Variants in TBX4 observed in about 807,000 individuals in gnomAD.
TBX4 encodes the protein T-box transcription factor 4.
In TBX4, 13 loss-of-function variants were observed where a neutral mutation model predicts 54.6. The ratio of observed to expected loss-of-function variants is 0.24; its 90% CI spans 0.15 to 0.38. TBX4 has a LOEUF of 0.38. Ranked by LOEUF, TBX4 falls within the 10% of genes least tolerant of loss-of-function variation. The probability of loss-of-function intolerance (pLI) is 1.00; values close to 1 mark genes in which losing one functional copy is unlikely to be tolerated. For missense variants in TBX4, 631 were observed against 728.5 expected (o/e 0.87, Z 1.54); for synonymous variants, 314 against 306.7 (o/e 1.02, Z -0.25).
In TBX4 at chr17:61,484,017, T is replaced by A. The variant is rs554691569; in HGVS notation, c.*501T>A. ...AGGGGAGCTGAGAATCTGGTTTTGG[T>A]AGCAGGAGGCCCACTCCTTTGACTT... On this transcript the variant is annotated 3_prime_UTR_variant, in exon 9 of 9. Transcript: ENST00000644296. The surrounding 1 kb of genome is among the most constrained non-coding windows in gnomAD (Gnocchi z 4.1). 3.5e-5 allele frequency: 6 copies of A among 172,982 alleles called. No individual in the cohort carries two copies. The highest frequency in any genetic ancestry group is 1.4e-4 in the African/African-American group (6 of 42,040). The allele number at this position is 172,982 out of a possible 1,614,324, so 10.7% of individuals were successfully genotyped here.
rs1330227472 is a variant in TBX4 at position 61,484,941 on chromosome 17, AATAAATAT to A, written c.*1429_*1436del. The A allele has an allele frequency of 9.8e-6, 1 of 101,838 alleles. No individual in the cohort carries two copies. Among genetic ancestry groups the A allele is most frequent in the East Asian group, 3.6e-4 (1 of 2,806 alleles). The allele number at this position is 101,838 out of a possible 1,614,324, so 6.3% of individuals were successfully genotyped here. A position where few individuals can be genotyped will look rare whatever the true frequency, so the allele number is the denominator to read the frequency against. ...AAGAATGGTTTAGATAAAACATATA[AATAAATAT>A]ATATATATATATATATATATATAAA... On this transcript the variant is annotated 3_prime_UTR_variant, in exon 9 of 9. Coordinates refer to ENST00000644296, the MANE Select transcript of TBX4 (RefSeq NM_001321120.2). This position sits in a 1 kb window ranked among gnomAD's most constrained non-coding sequence, Gnocchi z 4.1.
Position 61,462,779 on chromosome 17 carries a change from A to G in TBX4, c.282-3040A>G, listed in dbSNP as rs1313902569. 2 of 152,104 alleles carry G rather than the reference A, an allele frequency of 1.3e-5. No individual in the cohort carries two copies. Among genetic ancestry groups the G allele is most frequent in the Non-Finnish European group, 2.9e-5 (2 of 68,018 alleles). 9.4% of individuals were successfully genotyped at this position (152,104 alleles called of 1,614,324 possible). A position where few individuals can be genotyped will look rare whatever the true frequency, so the allele number is the denominator to read the frequency against. On this transcript the variant is annotated intron_variant, in intron 3 of 8. Coordinates refer to ENST00000644296, the MANE Select transcript of TBX4 (RefSeq NM_001321120.2). This position sits in a 1 kb window ranked among gnomAD's most constrained non-coding sequence, Gnocchi z 4.5. ...GGGTGTTGGTTTTCAGGTACATTCT[A>G]TGTCATAAATCACAGAAACAATTTA... is the stretch of plus-strand genomic sequence containing the variant.
chr17:61,480,390 C>A lies in TBX4; in HGVS notation c.1021+71C>A. The A allele has an allele frequency of 1.7e-6, 2 of 1,177,750 alleles. No homozygotes were observed. Among genetic ancestry groups the A allele is most frequent in the Admixed American group, 2.0e-5 (1 of 49,954 alleles). The allele number at this position is 1,177,750 out of a possible 1,614,324, so 73.0% of individuals were successfully genotyped here. ...TGAGGTTCTCCCCGAAACCACTCTGCAGCGCCCCCCCCCCCAACACACACA... is the reference window on the plus strand; with the variant it reads ...TGAGGTTCTCCCCGAAACCACTCTGAAGCGCCCCCCCCCCCAACACACACA... On this transcript the variant is annotated intron_variant, in intron 8 of 8. Coordinates refer to ENST00000644296, the MANE Select transcript of TBX4 (RefSeq NM_001321120.2). The surrounding 1 kb of genome is among the most constrained non-coding windows in gnomAD (Gnocchi z 6.2).
chr17:61,473,839 A>T (rs1467072833), intron 5 of TBX4, among the ~76,000 whole-genome samples: 1 of 152,220 alleles, frequency 6.6e-6, no homozygotes, highest in African/African-American at 2.4e-5. Flanking sequence ...CTGGCACATA[A>T]GCTATGCTCA....
intron 5 of TBX4, among the ~76,000 whole-genome samples, chr17:61,470,682 C>A (rs2060570700): frequency 6.6e-6 from 1 of 152,198 alleles, no homozygotes; most frequent in African/African-American, 2.4e-5. Context: ...CAGAAAGGAC[C>A]AAGGGGCTGG....
Position 61,467,650 on chromosome 17 carries a change from T to C in TBX4, c.542T>C (p.Phe181Ser). The part of the protein sequence containing the change: ...LKLTNNHLDP[F>S]GHIILNSMHK... ...CTGACAAACAACCACCTGGACCCCT[T>C]TGGCCATGTAAGCATGGGGGCTGCC... Residue 181 changes from phenylalanine (F) to serine (S), a missense_variant, in exon 5 of 9, where the codon TTT (phenylalanine) becomes TCT (serine). By Grantham distance (155) the Phe-to-Ser change is radical. Coordinates refer to ENST00000644296, the MANE Select transcript of TBX4 (RefSeq NM_001321120.2). 1 of 1,614,150 alleles carries C rather than the reference T, an allele frequency of 6.2e-7. No homozygotes were observed. Among genetic ancestry groups the C allele is most frequent in the Non-Finnish European group, 8.5e-7 (1 of 1,180,028 alleles).
Position 61,461,716 on chromosome 17 carries a change from C to G in TBX4, c.281+4085C>G, listed in dbSNP as rs59714469. On this transcript the variant is annotated intron_variant, in intron 3 of 8. Coordinates refer to ENST00000644296, the MANE Select transcript of TBX4 (RefSeq NM_001321120.2). This position sits in a 1 kb window ranked among gnomAD's most constrained non-coding sequence, Gnocchi z 5.1. ...ATCCAGATAAAGAAATAGATCATCA[C>G]CACCACCGCCCCAGAATCCTTCTTG... 6.6e-6 allele frequency among the ~76,000 whole-genome samples: 1 copy of G among 152,158 alleles called. No homozygotes were observed. The highest frequency in any genetic ancestry group is 1.5e-5 in the Non-Finnish European group (1 of 68,028).
At chr17:61,466,865 T>A (rs923845214) in intron 4 of TBX4, among the ~76,000 whole-genome samples, 3 of 152,286 alleles carry the variant, frequency 2.0e-5, no homozygotes, top group Admixed American at 2.0e-4. Context: ...CATGTGACAA[T>A]CATAATCATA....
In TBX4 at chr17:61,457,768, T is replaced by C; in HGVS notation, c.281+137T>C. The C allele has an allele frequency of 1.2e-6, 1 of 810,688 alleles. No homozygotes were observed. Among genetic ancestry groups the C allele is most frequent in the Non-Finnish European group, 2.0e-6 (1 of 504,336 alleles). 50.2% of individuals were successfully genotyped at this position (810,688 alleles called of 1,614,324 possible). A position where few individuals can be genotyped will look rare whatever the true frequency, so the allele number is the denominator to read the frequency against. The stretch of plus-strand genomic sequence containing the variant: ...TGCCTCCTCGGGCGTCAGTGCCACC[T>C]CCCTTCGCAGCTTGGGACTGGGCCG... On this transcript the variant is annotated intron_variant, in intron 3 of 8. Transcript: ENST00000644296. The surrounding 1 kb of genome is among the most constrained non-coding windows in gnomAD (Gnocchi z 8.2).
At chr17:61,455,779 C>T (rs1459751917) in intron 1 of TBX4, among the ~76,000 whole-genome samples, 1 of 152,156 alleles carries the variant, frequency 6.6e-6, no homozygotes, top group Non-Finnish European at 1.5e-5. Context: ...ATCAGTCACC[C>T]AGGAGAGTGT....
chr17:61,466,750 G>A (rs1027151423), intron 4 of TBX4, among the ~76,000 whole-genome samples: 3 of 152,248 alleles, frequency 2.0e-5, no homozygotes, highest in Admixed American at 6.5e-5. Flanking sequence ...GGCTCTGGCT[G>A]CGGGGAGAGC....
Position 61,456,619 on chromosome 17 carries a change from G to A in TBX4, c.129G>A (p.Ala43=). 1 of 1,409,028 alleles carries A rather than the reference G, an allele frequency of 7.1e-7. No homozygotes were observed. The allele number at this position is 1,409,028 out of a possible 1,614,324, so 87.3% of individuals were successfully genotyped here. The change falls in exon 2 of 9, where the codon GCG becomes GCA. Residue 43 remains alanine (A), a synonymous_variant. Coordinates refer to ENST00000644296, the MANE Select transcript of TBX4 (RefSeq NM_001321120.2). ...ALAAPGLSGA[A]LGSPPGPGAD... is the part of the protein sequence containing the mutation. ...CAGCGCCGGGCCTCAGCGGAGCCGC[G>A]CTAGGCAGCCCCCCGGGACCCGGGG... is the stretch of plus-strand genomic sequence containing the variant.
intron 5 of TBX4, among the ~76,000 whole-genome samples, chr17:61,470,670 A>G (rs2060570592): frequency 6.6e-6 from 1 of 152,146 alleles, no homozygotes; most frequent in Non-Finnish European, 1.5e-5. Context: ...GCCAGGCGGG[A>G]GCAGAAAGGA....
rs761779230 is a variant in TBX4 at position 61,457,559 on chromosome 17, G to A, written c.209G>A (p.Gly70Glu). Reference protein sequence around the residue: ...AEQTIENIKVGLHEKELWKKF... With the variant: ...AEQTIENIKVELHEKELWKKF... ...CAGACCATCGAGAACATCAAGGTGG[G>A]GCTGCATGAGAAGGAGCTCTGGAAG... The change falls in exon 3 of 9, where the codon GGG (glycine) becomes GAG (glutamate). Residue 70 changes from glycine (G) to glutamate (E), a missense_variant. Around this residue, in one of 3 missense-constraint regions of TBX4, gnomAD observed 123 missense variants for 120.9 expected, o/e 1.02. Transcript: ENST00000644296. The surrounding 1 kb of genome is among the most constrained non-coding windows in gnomAD (Gnocchi z 8.2). The A allele has an allele frequency of 3.1e-6, 5 of 1,613,958 alleles. No homozygotes were observed. Among genetic ancestry groups the A allele is most frequent in the African/African-American group, 1.3e-5 (1 of 74,982 alleles).
At chr17:61,454,842 A>G (rs944313241) in intron 1 of TBX4, among the ~76,000 whole-genome samples, 1 of 152,176 alleles carries the variant, frequency 6.6e-6, no homozygotes, top group African/African-American at 2.4e-5. Context: ...CAAGCGCGAG[A>G]CGGCCCCTCC....
intron 1 of TBX4, 92 bp from the exon 2 acceptor site, chr17:61,456,396 C>T (rs965946950): frequency 6.6e-7 from 1 of 1,509,916 alleles, no homozygotes; most frequent in Non-Finnish European, 9.0e-7. Flanking sequence ...CTCCGCGCCC[C>T]GCACGAAGTC....
Position 61,483,468 on chromosome 17 carries a change from A to G in TBX4, c.1593A>G (p.Leu531=). The stretch of plus-strand genomic sequence containing the variant: ...TCTCCTTGTCCCGAGAATCTTCCTT[A>G]CAGTACCATTCAGGAATGGGGACTG... ...QTFSLSRESS[L]QYHSGMGTVE... The change falls in exon 9 of 9, where the codon TTA becomes TTG. Residue 531 remains leucine, a synonymous_variant. Transcript: ENST00000644296. This position sits in a 1 kb window ranked among gnomAD's most constrained non-coding sequence, Gnocchi z 6.6. 1.2e-6 allele frequency: 2 copies of G among 1,614,080 alleles called. No homozygotes were observed. Among genetic ancestry groups the G allele is most frequent in the Non-Finnish European group, 1.7e-6 (2 of 1,180,020 alleles).
chr17:61,453,483 TATAA>T (rs1304366244), intron 1 of TBX4, among the ~76,000 whole-genome samples: 4 of 152,182 alleles, frequency 2.6e-5, no homozygotes, highest in African/African-American at 9.7e-5. Context: ...GCAATAGTAA[TATAA>T]ATAAAGACAT....
rs1317930321 is a variant in TBX4, at chr17:61,457,488, T to G, written c.187-49T>G. 1 of 1,551,078 alleles carries G rather than the reference T, an allele frequency of 6.4e-7. No homozygotes were observed. The highest frequency in any genetic ancestry group is 8.9e-7 in the Non-Finnish European group (1 of 1,123,112). On this transcript the variant is annotated intron_variant, in intron 2 of 8. Transcript: ENST00000644296. This position sits in a 1 kb window ranked among gnomAD's most constrained non-coding sequence, Gnocchi z 8.2. ...GGTTCTTCTTTCCTCAGGCTCCGCG[T>G]GGAGCCCTGGGCCTGGCAGACACAA...
Sources: gnomAD v4.1 joint callset for allele counts (sites outside exome capture counted in the v4.1 genomes callset) on GRCh38, gnomAD v4.1.1 for gene constraint, gnomAD v4.1.1 regional missense constraint, Gnocchi (gnomAD v3.1) non-coding constraint, MANE v1.5 for transcripts, NCBI Gene and HGNC (gene_info 2026-07-23, HGNC 2026-07-21) for gene names.